The following EYA3 variants were observed in gnomAD, a reference collection of about 807,000 sequenced individuals.
EYA3 encodes protein phosphatase EYA3.
In EYA3, 39 loss-of-function variants were observed where a neutral mutation model predicts 80.0. The observed-to-expected ratio is 0.49, with a 90% CI of 0.38 to 0.64. The LOEUF (loss-of-function observed/expected upper bound fraction) is 0.64. EYA3 is among the 30% of genes least tolerant of loss of function. The pLI is 0.00. For missense variants in EYA3, 523 were observed against 676.1 expected, an observed-to-expected ratio of 0.77 and a Z score of 2.51; for synonymous variants, 206 against 232.8, an observed-to-expected ratio of 0.88 and a Z score of 1.05.
intron 1 of EYA3, among the ~76,000 whole-genome samples, chr1:28,077,096 A>G (rs1427556915): frequency 2.7e-5 from 4 of 149,432 alleles, no homozygotes; most frequent in Non-Finnish European, 5.9e-5. Context: ...AATTGTTTAC[A>G]AAACAATCTT....
chr1:28,017,013 G>C, intron 8 of EYA3, 141 bp downstream of exon 8: 1 of 631,728 alleles, frequency 1.6e-6, no homozygotes, highest in Non-Finnish European at 2.8e-6. Context: ...CAGGGTCCGA[G>C]TTCTGAAGGT....
At chr1:28,075,831 TCTCA>T (rs935833001) in intron 1 of EYA3, among the ~76,000 whole-genome samples, 2 of 152,192 alleles carry the variant, frequency 1.3e-5, no homozygotes, top group East Asian at 1.9e-4. Context: ...AACAATTTGG[TCTCA>T]CTGTTTCCTA....
chr1:27,976,645 G>C (rs1638941848), intron 17 of EYA3, among the ~76,000 whole-genome samples: 1 of 152,166 alleles, frequency 6.6e-6, no homozygotes, highest in Non-Finnish European at 1.5e-5. Flanking sequence ...TGTCAGAAAG[G>C]CTGCAGAAAA....
At chr1:28,079,836 C>T (rs1645358682) in intron 1 of EYA3, among the ~76,000 whole-genome samples, 1 of 150,632 alleles carries the variant, frequency 6.6e-6, no homozygotes, top group Admixed American at 6.6e-5. Flanking sequence ...CGCTATGTTG[C>T]CCAGGCTAGT....
rs1224379304 is a variant in EYA3, at chr1:27,971,397, C to G, written c.*3069G>C. 9.9e-5 allele frequency: 15 copies of G among 152,098 alleles called. No homozygotes were observed. Among genetic ancestry groups the G allele is most frequent in the Non-Finnish European group, 2.2e-4 (15 of 68,090 alleles). 9.4% of individuals were successfully genotyped at this position (152,098 alleles called of 1,614,324 possible). A position where few individuals can be genotyped will look rare whatever the true frequency, so the allele number is the denominator to read the frequency against. Reference sequence around the variant, plus strand: ...TCACCTGAGGTCAGGAGTTTGAGAACAGCCTGGTCAACATGGTGAAACCCC... The same window carrying G: ...TCACCTGAGGTCAGGAGTTTGAGAAGAGCCTGGTCAACATGGTGAAACCCC... On this transcript the variant is annotated 3_prime_UTR_variant, in exon 18 of 18. Transcript: ENST00000373871.
At chr1:28,066,627 T>C (rs933841281) in intron 1 of EYA3, among the ~76,000 whole-genome samples, 1 of 152,024 alleles carries the variant, frequency 6.6e-6, no homozygotes, top group Non-Finnish European at 1.5e-5. Context: ...TATCTCACTA[T>C]GGAAAAGAGA....
chr1:28,079,936 C>T lies in EYA3; in HGVS notation c.-69+8588G>A, dbSNP rs779681497. 3.3e-5 allele frequency among the ~76,000 whole-genome samples: 5 copies of T among 151,830 alleles called. No individual in the cohort carries two copies. In the East Asian group the frequency reaches 9.7e-4, roughly 29 times the overall value. On this transcript the variant is annotated intron_variant, in intron 1 of 17. Coordinates refer to ENST00000373871, the MANE Select transcript of EYA3 (RefSeq NM_001990.4). ...TGAGCCACCACACCTGGCCCCAAAC[C>T]TAAACATTTTCCATTACAAAAAGAC...
chr1:28,084,616 TTTTTTTTTTTTG>T, intron 1 of EYA3, among the ~76,000 whole-genome samples: 1 of 99,482 alleles, frequency 1.0e-5, no homozygotes, highest in Non-Finnish European at 2.1e-5. Flanking sequence ...TTTTTTTTTT[TTTTTTTTTTTTG>T]AGATGAGTCT....
intron 16 of EYA3, among the ~76,000 whole-genome samples, chr1:27,983,460 T>C (rs911226779): frequency 2.6e-5 from 4 of 152,248 alleles, no homozygotes; most frequent in Admixed American, 1.3e-4. Context: ...TATCTGATGG[T>C]TGGAGAATGT....
intron 13 of EYA3, 95 bp downstream of exon 13, chr1:27,997,225 T>C (rs1339081616): frequency 3.5e-6 from 4 of 1,131,604 alleles, no homozygotes; most frequent in African/African-American, 1.5e-5. Flanking sequence ...CTTTCAGAGA[T>C]ATATTCTATT....
chr1:28,085,306 G>C (rs1193563407), intron 1 of EYA3, among the ~76,000 whole-genome samples: 2 of 152,096 alleles, frequency 1.3e-5, no homozygotes, highest in African/African-American at 4.8e-5. Flanking sequence ...TTCAAAATTA[G>C]CCAGGTATGG....
Position 27,978,469 on chromosome 1 carries a change from C to G in EYA3, c.1546G>C (p.Glu516Gln). The change falls in exon 17 of 18, where the codon GAG becomes CAG. Residue 516 changes from glutamate to glutamine, a missense_variant. Transcript: ENST00000373871. The stretch of plus-strand genomic sequence containing the variant: ...GACACAATTCTCTCAAAGCAGCTCT[C>G]CTTACCTGATGAGAAAAAGAAATTT... ...NIYSATKIGK[E>Q]SCFERIVSRF... The G allele has an allele frequency of 6.2e-7, 1 of 1,613,658 alleles. No homozygotes were observed. Among genetic ancestry groups the G allele is most frequent in the Non-Finnish European group, 8.5e-7 (1 of 1,179,606 alleles).
chr1:28,018,276 G>A (rs1026814326), intron 7 of EYA3, among the ~76,000 whole-genome samples: 7 of 152,070 alleles, frequency 4.6e-5, no homozygotes, highest in Non-Finnish European at 7.4e-5. Flanking sequence ...ATAAAGACAA[G>A]TAATTTGGGT....
intron 17 of EYA3, among the ~76,000 whole-genome samples, chr1:27,977,627 G>C (rs570325741): frequency 6.6e-6 from 1 of 152,052 alleles, no homozygotes; most frequent in Non-Finnish European, 1.5e-5. Context: ...GAGGCAGGCG[G>C]ATCACAAGGT....
intron 7 of EYA3, among the ~76,000 whole-genome samples, chr1:28,023,091 G>C (rs962102336): frequency 4.0e-4 from 20 of 50,520 alleles, no homozygotes; most frequent in Non-Finnish European, 7.8e-4. Context: ...GTGGGGGGGG[G>C]GGGGAAAACC....
chr1:28,056,421 C>T (rs1211493665), intron 2 of EYA3, among the ~76,000 whole-genome samples: 2 of 152,202 alleles, frequency 1.3e-5, no homozygotes, highest in Non-Finnish European at 2.9e-5. Flanking sequence ...AACAGTGGTA[C>T]TTCCCCCGTG....
intron 12 of EYA3, among the ~76,000 whole-genome samples, chr1:27,997,842 A>T (rs1223087592): frequency 6.6e-6 from 1 of 152,252 alleles, no homozygotes; most frequent in African/African-American, 2.4e-5. Context: ...GTGTGGTATC[A>T]AAACCGAGAA....
At chr1:28,041,734 T>G (rs1349980106) in intron 4 of EYA3, among the ~76,000 whole-genome samples, 1 of 152,108 alleles carries the variant, frequency 6.6e-6, no homozygotes, top group Non-Finnish European at 1.5e-5. Flanking sequence ...GATCTCAAAC[T>G]CCTGGCCTCA....
intron 2 of EYA3, among the ~76,000 whole-genome samples, chr1:28,055,204 G>A (rs1644394505): frequency 6.6e-6 from 1 of 152,196 alleles, no homozygotes; most frequent in African/African-American, 2.4e-5. Context: ...GACTCTCAGT[G>A]TGTAAACTGT....
Sources: allele counts gnomAD v4.1 joint callset (sites outside exome capture counted in the v4.1 genomes callset), GRCh38; gene constraint gnomAD v4.1.1; transcripts MANE v1.5; gene names NCBI Gene and HGNC (gene_info 2026-07-23, HGNC 2026-07-21).